The following CFDP1 variants were observed in gnomAD, a reference collection of about 807,000 sequenced individuals.
CFDP1 encodes the protein chromatin remodeling protein CFDP1, also known as heterochromatin-stabilizing protein CFDP1.
Under a neutral mutation model 40.1 loss-of-function variants are expected in CFDP1, and 31 were observed. That is an observed-to-expected ratio of 0.77 (90% confidence interval 0.58 to 1.04). CFDP1 has a LOEUF of 1.04. Ranked by LOEUF, CFDP1 falls within the 50% of genes least tolerant of loss-of-function variation. CFDP1 has a pLI of 0.00. For synonymous variants in CFDP1, 167 were observed against 120.0 expected (o/e 1.39, Z -2.56); for missense variants, 423 against 343.4 (o/e 1.23, Z -1.83).
chr16:75,327,584 T>TG (rs1294651621), intron 5 of CFDP1, among the ~76,000 whole-genome samples: 2 of 151,924 alleles, frequency 1.3e-5, no homozygotes, highest in African/African-American at 4.8e-5. Flanking sequence ...TTGAAGAGTT[T>TG]GGGAAAAAAA....
At chr16:75,312,770 T>C (rs776212014) in intron 5 of CFDP1, among the ~76,000 whole-genome samples, 1 of 152,170 alleles carries the variant, frequency 6.6e-6, no homozygotes, top group African/African-American at 2.4e-5. Flanking sequence ...TAGCTGACTT[T>C]GGTGCTATTT....
intron 5 of CFDP1, among the ~76,000 whole-genome samples, chr16:75,314,758 AAATT>A (rs2078313941): frequency 6.6e-6 from 1 of 152,098 alleles, no homozygotes; most frequent in Non-Finnish European, 1.5e-5. Flanking sequence ...TTTATTTTAT[AAATT>A]TATTTTTGAG....
At chr16:75,296,480 T>C (rs1365533477) in intron 6 of CFDP1, among the ~76,000 whole-genome samples, 16 of 151,880 alleles carry the variant, frequency 1.1e-4, no homozygotes, top group Admixed American at 7.2e-4. Flanking sequence ...CAAGCGATCC[T>C]CACCTTGGCC....
At chr16:75,339,200 C>T (rs759941177) in intron 5 of CFDP1, among the ~76,000 whole-genome samples, 2 of 151,912 alleles carry the variant, frequency 1.3e-5, no homozygotes, top group African/African-American at 4.8e-5. Context: ...ATCTCTTTGT[C>T]TTATTTTATA....
At position 75,425,744 on chromosome 16, in the gene CFDP1, T is replaced by A. The variant is rs143769059; in HGVS notation, c.64+7545A>T. The stretch of plus-strand genomic sequence containing the variant: ...AATGATAACTGATTTTTTAAAAAAG[T>A]AAATGCTGGCCGGGCACGGTGGCTC... On this transcript the variant is annotated intron_variant, in intron 1 of 6. Coordinates refer to ENST00000283882, the MANE Select transcript of CFDP1 (RefSeq NM_006324.3). Among the ~76,000 whole-genome samples, 982 of 151,314 alleles carry A rather than the reference T, an allele frequency of 6.5e-3. 8 individuals are homozygous for A. Among genetic ancestry groups the A allele is most frequent in the Middle Eastern group, 0.017 (5 of 294 alleles).
At chr16:75,341,968 GTC>G (rs1567651017) in intron 5 of CFDP1, among the ~76,000 whole-genome samples, 1 of 152,124 alleles carries the variant, frequency 6.6e-6, no homozygotes, top group African/African-American at 2.4e-5. Context: ...GGTCCCTGTG[GTC>G]TCTTTCTCTT....
intron 5 of CFDP1, among the ~76,000 whole-genome samples, chr16:75,323,120 G>A (rs1042004951): frequency 1.3e-5 from 2 of 151,200 alleles, no homozygotes; most frequent in African/African-American, 2.4e-5. Flanking sequence ...TTTTAGTAAT[G>A]CTTAGCTTAA....
Position 75,411,781 on chromosome 16 carries a change from A to G in CFDP1, c.530+44T>C. On this transcript the variant is annotated intron_variant, in intron 4 of 6. Transcript: ENST00000283882. ...TAACACCAGTTAGAGAGAGACGCTC[A>G]TTTTTGAAAATGCTAGTTTCAAAGT... 3 of 1,583,134 alleles carry G rather than the reference A, an allele frequency of 1.9e-6. No individual in the cohort carries two copies. The East Asian group carries it at 6.7e-5, about 36-fold the overall frequency.
chr16:75,417,653 A>C (rs139617488), intron 1 of CFDP1, among the ~76,000 whole-genome samples: 3 of 152,322 alleles, frequency 2.0e-5, no homozygotes, highest in Non-Finnish European at 4.4e-5. Flanking sequence ...CACTGTGTTT[A>C]TCTCTCTACA....
At chr16:75,376,764 C>G (rs923421760) in intron 5 of CFDP1, among the ~76,000 whole-genome samples, 4 of 152,204 alleles carry the variant, frequency 2.6e-5, no homozygotes, top group Admixed American at 6.5e-5. Context: ...AAGCGGCTTT[C>G]TGTAAGACAC....
Position 75,382,828 on chromosome 16 carries a change from G to GA in CFDP1, c.650+12261dup, listed in dbSNP as rs1474062585. Among the ~76,000 whole-genome samples the GA allele has an allele frequency of 2.0e-5, 3 of 152,234 alleles. No individual in the cohort carries two copies. In the East Asian group the frequency reaches 5.8e-4, roughly 29 times the overall value. On this transcript the variant is annotated intron_variant, in intron 5 of 6. Transcript: ENST00000283882. ...TGTCATGCTCTATTTGACTGTGGGG[G>GA]AAAACTCTTCTCCTTTTGTTTCCAC...
chr16:75,351,880 C>T (rs1403317758), intron 5 of CFDP1, among the ~76,000 whole-genome samples: 5 of 151,004 alleles, frequency 3.3e-5, no homozygotes, highest in East Asian at 1.9e-4. Flanking sequence ...TGGTGGCACA[C>T]GCCTATAATC....
intron 1 of CFDP1, among the ~76,000 whole-genome samples, chr16:75,426,037 A>C (rs79880554): frequency 0.058 from 144 of 2,464 alleles, 1 homozygote; most frequent in African/African-American, 0.13. Flanking sequence ...CTCTGTCTCA[A>C]AAAAAAAAAA....
intron 5 of CFDP1, among the ~76,000 whole-genome samples, chr16:75,353,895 T>A (rs2078629470): frequency 6.6e-6 from 1 of 152,126 alleles, no homozygotes; most frequent in African/African-American, 2.4e-5. Context: ...GTTTTAAAGC[T>A]TTTTGTTATT....
rs564121001 is a variant in CFDP1 at position 75,388,186 on chromosome 16, T to A, written c.650+6904A>T. ...CTCTGAACCTCAGTGTCCTGATCTG[T>A]GAAATGGGCACAAAGTTAGTGCCTA... On this transcript the variant is annotated intron_variant, in intron 5 of 6. Transcript: ENST00000283882. Among the ~76,000 whole-genome samples, 58 of 152,338 alleles carry A rather than the reference T, an allele frequency of 3.8e-4. No individual in the cohort carries two copies. The South Asian group carries it at 0.012, about 32-fold the overall frequency.
intron 5 of CFDP1, among the ~76,000 whole-genome samples, chr16:75,317,940 A>AC (rs145502505): frequency 0.032 from 4,885 of 151,532 alleles, 85 homozygotes; most frequent in Middle Eastern, 0.044. Flanking sequence ...GTGAGACCCC[A>AC]CCCCCCATCT....
intron 1 of CFDP1, chr16:75,418,911 G>C (rs959876775): frequency 1.2e-5 from 2 of 172,720 alleles, no homozygotes; most frequent in Admixed American, 1.2e-4. Context: ...GGTGAGTATG[G>C]GGGGGAATGC....
At chr16:75,387,458 A>G (rs1177089442) in intron 5 of CFDP1, among the ~76,000 whole-genome samples, 4 of 152,146 alleles carry the variant, frequency 2.6e-5, no homozygotes, top group Admixed American at 2.6e-4. Context: ...TCTTGCTTCT[A>G]CACAAACCAT....
intron 1 of CFDP1, among the ~76,000 whole-genome samples, chr16:75,427,679 T>C (rs1053886504): frequency 2.6e-5 from 4 of 152,216 alleles, no homozygotes; most frequent in Non-Finnish European, 4.4e-5. Flanking sequence ...CAAAAAAATT[T>C]AGCAGCTTCT....
Sources: gnomAD v4.1 joint callset for allele counts (sites outside exome capture counted in the v4.1 genomes callset) on GRCh38, gnomAD v4.1.1 for gene constraint, MANE v1.5 for transcripts, NCBI Gene and HGNC (gene_info 2026-07-23, HGNC 2026-07-21) for gene names.